PRKG1: variants seen among roughly 807,000 people sequenced by gnomAD.
PRKG1 encodes the protein protein kinase cGMP-dependent 1.
PRKG1 carries 35 observed loss-of-function variants against 88.1 expected under a neutral mutation model. The observed-to-expected ratio is 0.40, with a 90% confidence interval of 0.30 to 0.53. The LOEUF is 0.53. PRKG1 is among the 20% of genes least tolerant of loss of function. The pLI is 0.59. For missense variants in PRKG1, 540 were observed against 839.8 expected (o/e 0.64, Z 4.41); for synonymous variants, 303 against 292.5 (o/e 1.04, Z -0.37).
chr10:51,124,333 T>C (rs1845341418), intron 1 of PRKG1, among the ~76,000 whole-genome samples: 1 of 152,198 alleles, frequency 6.6e-6, no homozygotes, highest in African/African-American at 2.4e-5. Context: ...GATGATGTTA[T>C]TTCAAATCAT....
rs1038537917 is a variant in PRKG1 at position 51,741,035 on chromosome 10, G to A, written c.593-63550G>A. On this transcript the variant is annotated intron_variant, in intron 3 of 17. Coordinates refer to ENST00000373980, the MANE Select transcript of PRKG1 (RefSeq NM_006258.4). The stretch of plus-strand genomic sequence containing the variant: ...GACGCAGAGAAGGAGCCAAGTGTGG[G>A]GACACCATCATACAATGCTAAGTTT... Among the ~76,000 whole-genome samples, 10 of 151,828 alleles carry A rather than the reference G, an allele frequency of 6.6e-5. 1 individual carries two copies. Among genetic ancestry groups the A allele is most frequent in the African/African-American group, 2.2e-4 (9 of 41,328 alleles).
chr10:51,299,622 G>A (rs1172306580), intron 2 of PRKG1: 2 of 468,266 alleles, frequency 4.3e-6, no homozygotes, highest in Non-Finnish European at 8.8e-6. Flanking sequence ...GGGAAAAACA[G>A]AGAAGGCACT....
At chr10:52,053,278 T>TA (rs536739536) in intron 5 of PRKG1, among the ~76,000 whole-genome samples, 89 of 152,138 alleles carry the variant, frequency 5.8e-4, no homozygotes, top group Middle Eastern at 3.4e-3. Context: ...TACTTTTGAG[T>TA]AAAAAAACTA....
At chr10:51,385,293 A>G (rs1837222441) in intron 2 of PRKG1, among the ~76,000 whole-genome samples, 1 of 152,228 alleles carries the variant, frequency 6.6e-6, no homozygotes. Context: ...ATTTCTTCCT[A>G]TTTAACACAG....
chr10:51,551,421 A>G (rs140414234), intron 3 of PRKG1, among the ~76,000 whole-genome samples: 2 of 152,058 alleles, frequency 1.3e-5, no homozygotes, highest in East Asian at 3.9e-4. Context: ...ACCATTTGAT[A>G]TATAAGAATA....
At chr10:52,292,792 A>T (rs1192633983) in intron 17 of PRKG1, among the ~76,000 whole-genome samples, 4 of 151,976 alleles carry the variant, frequency 2.6e-5, no homozygotes, top group African/African-American at 9.7e-5. Context: ...TGACAAACCC[A>T]CAGCCAATAT....
At chr10:51,758,595 G>T (rs944966971) in intron 3 of PRKG1, among the ~76,000 whole-genome samples, 1 of 152,046 alleles carries the variant, frequency 6.6e-6, no homozygotes, top group African/African-American at 2.4e-5. Context: ...CCTCTTCCAG[G>T]TGACATCATC....
At chr10:51,740,243 C>G (rs902509284) in intron 3 of PRKG1, among the ~76,000 whole-genome samples, 2 of 152,110 alleles carry the variant, frequency 1.3e-5, no homozygotes, top group Admixed American at 1.3e-4. Context: ...CCAGGCTTGT[C>G]TCAAATTCCT....
chr10:51,778,095 C>T (rs1838487737), intron 3 of PRKG1, among the ~76,000 whole-genome samples: 1 of 152,142 alleles, frequency 6.6e-6, no homozygotes, highest in Non-Finnish European at 1.5e-5. Context: ...ATTGTTTCTT[C>T]ACAGTGTAAG....
intron 2 of PRKG1, among the ~76,000 whole-genome samples, chr10:51,169,717 A>G (rs1419081329): frequency 6.6e-6 from 1 of 152,232 alleles, no homozygotes; most frequent in Admixed American, 6.5e-5. Flanking sequence ...AACTTGGCAG[A>G]CATGAACTTG....
At chr10:51,287,396 T>C (rs1000013189) in intron 2 of PRKG1, among the ~76,000 whole-genome samples, 13 of 152,214 alleles carry the variant, frequency 8.5e-5, no homozygotes, top group African/African-American at 2.9e-4. Context: ...GTAGGATTTT[T>C]GGCTCTCAAT....
intron 5 of PRKG1, among the ~76,000 whole-genome samples, chr10:51,937,915 C>G (rs188999023): frequency 6.6e-6 from 1 of 152,218 alleles, no homozygotes; most frequent in East Asian, 1.9e-4. Flanking sequence ...TGAGCCCACA[C>G]TGTTCCACTG....
intron 5 of PRKG1, among the ~76,000 whole-genome samples, chr10:51,959,790 G>A (rs1015244327): frequency 6.6e-6 from 1 of 152,084 alleles, no homozygotes; most frequent in Admixed American, 6.6e-5. Context: ...AGAGCCAAGT[G>A]GGTGGTGATG....
intron 3 of PRKG1, among the ~76,000 whole-genome samples, chr10:51,727,987 A>G (rs886582782): frequency 6.6e-6 from 1 of 152,148 alleles, no homozygotes; most frequent in African/African-American, 2.4e-5. Flanking sequence ...TGCAATTTGG[A>G]AGTCTTGCTT....
chr10:52,262,187 T>C (rs1564536554), intron 10 of PRKG1, among the ~76,000 whole-genome samples: 5 of 152,266 alleles, frequency 3.3e-5, no homozygotes, highest in Non-Finnish European at 7.4e-5. Context: ...ATAACACTTC[T>C]TAATTTATAA....
intron 10 of PRKG1, among the ~76,000 whole-genome samples, chr10:52,258,837 G>T (rs1415459192): frequency 1.3e-5 from 2 of 152,042 alleles, no homozygotes; most frequent in Non-Finnish European, 2.9e-5. Context: ...CAGGAGAGAG[G>T]TCATTTGAAA....
intron 5 of PRKG1, among the ~76,000 whole-genome samples, chr10:51,972,740 TCAAA>T (rs1446912005): frequency 6.6e-6 from 1 of 152,218 alleles, no homozygotes; most frequent in East Asian, 1.9e-4. Context: ...CTGTAGAGTA[TCAAA>T]CAGTTAAAGC....
chr10:52,128,567 C>T (rs756267556), intron 7 of PRKG1: 1 of 985,220 alleles, frequency 1.0e-6, no homozygotes, highest in Middle Eastern at 5.2e-4. Context: ...CCTATATTTG[C>T]AAATATTTTG....
chr10:50,999,000 A>C (rs993752234), intron 1 of PRKG1, among the ~76,000 whole-genome samples: 8 of 152,194 alleles, frequency 5.3e-5, no homozygotes, highest in African/African-American at 1.9e-4. Flanking sequence ...GGGGTATACT[A>C]TGTTGATTTT....
Sources: gnomAD v4.1 joint callset for allele counts (sites outside exome capture counted in the v4.1 genomes callset) on GRCh38, gnomAD v4.1.1 for gene constraint, MANE v1.5 for transcripts, NCBI Gene and HGNC (gene_info 2026-07-23, HGNC 2026-07-21) for gene names.